Variants in SMURF1 observed in about 807,000 individuals in gnomAD.
The protein encoded by SMURF1 is E3 ubiquitin-protein ligase SMURF1.
In SMURF1, 44 loss-of-function variants were observed where a neutral mutation model predicts 98.0. The observed-to-expected ratio is 0.45, with a 90% confidence interval of 0.35 to 0.58. The LOEUF is 0.58. SMURF1 is among the 20% of genes least tolerant of loss of function. The pLI, the probability that SMURF1 is intolerant of heterozygous loss-of-function variation, is 0.00. For synonymous variants in SMURF1, 396 were observed against 374.9 expected, an observed-to-expected ratio of 1.06 and a Z score of -0.65; for missense variants, 687 against 938.4, an observed-to-expected ratio of 0.73 and a Z score of 3.50.
intron 2 of SMURF1, 91 bp downstream of exon 2, chr7:99,061,708 A>G: frequency 1.0e-6 from 1 of 992,564 alleles, no homozygotes; most frequent in Non-Finnish European, 1.5e-6. Context: ...CAAAACTTTG[A>G]AGAGAATATA....
At chr7:99,048,071 A>G in intron 9 of SMURF1, 189 bp from the exon 10 acceptor site, 1 of 600,982 alleles carries the variant, frequency 1.7e-6, no homozygotes, top group Non-Finnish European at 3.0e-6. Flanking sequence ...ATTAGCCTAA[A>G]TGTATGTCTA....
intron 1 of SMURF1, among the ~76,000 whole-genome samples, chr7:99,080,443 G>A (rs976140829): frequency 6.6e-6 from 1 of 152,178 alleles, no homozygotes; most frequent in Admixed American, 6.5e-5. Context: ...GGGATTACAA[G>A]CATGCACCAC....
intron 1 of SMURF1, among the ~76,000 whole-genome samples, chr7:99,119,885 A>G (rs1431374228): frequency 1.3e-5 from 2 of 152,170 alleles, no homozygotes; most frequent in South Asian, 2.1e-4. Context: ...AGATCTTCCA[A>G]CTGTCCCTAA....
chr7:99,108,631 A>AAAAAAG (rs1797250449), intron 1 of SMURF1, among the ~76,000 whole-genome samples: 1 of 148,962 alleles, frequency 6.7e-6, no homozygotes, highest in South Asian at 2.1e-4. Flanking sequence ...AAAAAAAAAA[A>AAAAAAG]AAAAGAAAGA....
intron 2 of SMURF1, among the ~76,000 whole-genome samples, chr7:99,061,328 T>C (rs369178575): frequency 6.6e-6 from 1 of 152,244 alleles, no homozygotes; most frequent in Non-Finnish European, 1.5e-5. Flanking sequence ...GACCAGATAC[T>C]GCATGACTTT....
intron 1 of SMURF1, among the ~76,000 whole-genome samples, chr7:99,076,897 G>A (rs542690973): frequency 5.9e-5 from 9 of 152,138 alleles, no homozygotes; most frequent in East Asian, 3.9e-4. Context: ...ACGTGTGTGC[G>A]CGTGTGGGGG....
intron 1 of SMURF1, among the ~76,000 whole-genome samples, chr7:99,064,139 T>A (rs1391748202): frequency 6.6e-6 from 1 of 152,224 alleles, no homozygotes; most frequent in Non-Finnish European, 1.5e-5. Context: ...CGGTACACAG[T>A]CCTTTTAATA....
rs547699359 is a variant in SMURF1, at chr7:99,070,050, A to G, written c.56-8213T>C. Among the ~76,000 whole-genome samples the G allele has an allele frequency of 3.3e-5, 5 of 152,366 alleles. 1 individual carries two copies. The South Asian group carries it at 8.3e-4, about 25-fold the overall frequency. ...TTCAAAACACCTGTTTGCTTAAAAT[A>G]TGGATGTTACAGTTCATCTTCTACA... On this transcript the variant is annotated intron_variant, in intron 1 of 17. Transcript: ENST00000361368.
At chr7:99,050,938 TA>T (rs1319065439) in intron 8 of SMURF1, 31 of 1,551,072 alleles carry the variant, frequency 2.0e-5, no homozygotes, top group Non-Finnish European at 2.7e-5. Flanking sequence ...TATGGCCTTG[TA>T]GAAGGAATTC....
intron 6 of SMURF1, among the ~76,000 whole-genome samples, chr7:99,053,835 T>G (rs530286991): frequency 1.3e-5 from 2 of 152,194 alleles, no homozygotes; most frequent in African/African-American, 4.8e-5. Flanking sequence ...TTCGGCAGTT[T>G]GTTGTATTTT....
At chr7:99,053,011 T>C (rs1193427456) in intron 6 of SMURF1, among the ~76,000 whole-genome samples, 1 of 152,148 alleles carries the variant, frequency 6.6e-6, no homozygotes, top group Non-Finnish European at 1.5e-5. Context: ...GAGCCAAGAT[T>C]GTGCCATTGT....
chr7:99,043,102 A>G (rs1795447898), intron 11 of SMURF1, among the ~76,000 whole-genome samples: 1 of 152,178 alleles, frequency 6.6e-6, no homozygotes, highest in Non-Finnish European at 1.5e-5. Flanking sequence ...TTTGAAAAAG[A>G]CAAAGACCTC....
chr7:99,036,611 A>G (rs1795153578), intron 15 of SMURF1: 1 of 162,808 alleles, frequency 6.1e-6, no homozygotes, highest in South Asian at 1.8e-4. Context: ...GCTATTTGGC[A>G]CCAGAGATGG....
At chr7:99,118,996 C>T (rs868718548) in intron 1 of SMURF1, among the ~76,000 whole-genome samples, 1 of 123,950 alleles carries the variant, frequency 8.1e-6, no homozygotes, top group African/African-American at 3.2e-5. Flanking sequence ...GAGAAGCTAA[C>T]ATGCCAATTT....
At chr7:99,033,510 T>G (rs1002211147) in intron 16 of SMURF1, among the ~76,000 whole-genome samples, 1 of 152,146 alleles carries the variant, frequency 6.6e-6, no homozygotes, top group Non-Finnish European at 1.5e-5. Context: ...TTGCCATGTT[T>G]CCCAGGCTGG....
At chr7:99,097,624 G>A (rs985313833) in intron 1 of SMURF1, among the ~76,000 whole-genome samples, 1 of 152,128 alleles carries the variant, frequency 6.6e-6, no homozygotes, top group Non-Finnish European at 1.5e-5. Context: ...ACCCAGCCTC[G>A]AGAACTGTAA....
At chr7:99,139,809 G>C (rs531858002) in intron 1 of SMURF1, among the ~76,000 whole-genome samples, 50 of 152,186 alleles carry the variant, frequency 3.3e-4, no homozygotes, top group Non-Finnish European at 5.9e-4. Context: ...AAATACAAAG[G>C]CTCAAATATT....
chr7:99,122,082 A>T (rs1277259354), intron 1 of SMURF1, among the ~76,000 whole-genome samples: 1 of 152,052 alleles, frequency 6.6e-6, no homozygotes, highest in African/African-American at 2.4e-5. Context: ...TAATCCCAGC[A>T]CTTTGGGAGG....
intron 7 of SMURF1, 108 bp from the exon 8 acceptor site, chr7:99,051,549 T>A: frequency 1.2e-6 from 1 of 806,406 alleles, no homozygotes; most frequent in East Asian, 2.5e-5. Context: ...TAGATAACAC[T>A]CCCCTCTTAT....
Sources: allele counts gnomAD v4.1 joint callset (sites outside exome capture counted in the v4.1 genomes callset), GRCh38; gene constraint gnomAD v4.1.1; transcripts MANE v1.5; gene names NCBI Gene and HGNC (gene_info 2026-07-23, HGNC 2026-07-21).